COL4A4: variants seen among roughly 807,000 people sequenced by gnomAD.
The protein encoded by COL4A4 is collagen type IV alpha 4 chain, also known as collagen alpha-4(IV) chain.
COL4A4 carries 105 observed loss-of-function variants against 192.9 expected under a neutral mutation model. That is an observed-to-expected ratio of 0.54 (90% confidence interval 0.46 to 0.64). COL4A4 has a LOEUF of 0.64. Ranked by LOEUF, COL4A4 falls within the 30% of genes least tolerant of loss-of-function variation. COL4A4 has a pLI of 0.00. For missense variants in COL4A4, 1,967 were observed against 2,169.3 expected (o/e 0.91, Z 1.85); for synonymous variants, 762 against 769.9 (o/e 0.99, Z 0.17).
chr2:227,099,502 C>T (rs1576492416), intron 18 of COL4A4, 118 bp downstream of exon 18: 24 of 851,554 alleles, frequency 2.8e-5, no homozygotes, highest in South Asian at 2.1e-4. Flanking sequence ...TGCTACAGTT[C>T]GTGCATTCAG....
chr2:227,085,171 C>G (rs1006914399), intron 22 of COL4A4, among the ~76,000 whole-genome samples: 2 of 151,876 alleles, frequency 1.3e-5, no homozygotes, highest in Non-Finnish European at 1.5e-5. Flanking sequence ...AAAAACACTT[C>G]CTCTCTGCCA....
At chr2:227,101,367 T>C (rs1478682223) in intron 17 of COL4A4, 137 bp downstream of exon 17, 5 of 738,430 alleles carry the variant, frequency 6.8e-6, no homozygotes, top group Non-Finnish European at 1.1e-5. Flanking sequence ...AATGTAACAA[T>C]TGAATAAAAA....
chr2:226,986,432 T>G, the COL4A4 span, among the ~76,000 whole-genome samples: 1 of 152,172 alleles, frequency 6.6e-6, no homozygotes, highest in African/African-American at 2.4e-5. Context: ...TCTTTGCAAC[T>G]TTTACGTAAA....
intron 3 of COL4A4, among the ~76,000 whole-genome samples, chr2:227,143,031 G>A (rs1324389406): frequency 6.7e-6 from 1 of 149,624 alleles, no homozygotes; most frequent in African/African-American, 2.6e-5. Context: ...CACACACAGA[G>A]GCAGATGAGC....
chr2:227,089,624 A>AC, intron 21 of COL4A4, among the ~76,000 whole-genome samples: 1 of 92,386 alleles, frequency 1.1e-5, no homozygotes, highest in African/African-American at 3.4e-5. Context: ...CATATATATA[A>AC]ATATATAAGA....
intron 2 of COL4A4, among the ~76,000 whole-genome samples, chr2:227,146,903 A>G (rs755140231): frequency 5.3e-5 from 8 of 152,168 alleles, no homozygotes; most frequent in South Asian, 4.1e-4. Flanking sequence ...CCATCCAGAT[A>G]GTCAAGCTCA....
chr2:227,164,306 G>A, upstream of COL4A4: 1 of 224,358 alleles, frequency 4.5e-6, no homozygotes. The surrounding 1 kb of genome is among the most constrained non-coding windows in gnomAD (Gnocchi z 4.8). Flanking sequence ...CCTCCCCACC[G>A]CACACCCCCA....
In COL4A4 at chr2:227,100,517, T is replaced by C. The variant is rs554343037; in HGVS notation, c.1030-828A>G. Among the ~76,000 whole-genome samples, 12 of 152,294 alleles carry C rather than the reference T, an allele frequency of 7.9e-5. No homozygotes were observed. The South Asian group carries it at 2.5e-3, about 32-fold the overall frequency. Reference sequence around the variant, plus strand: ...CTGTTTACATAGCATTTACATTGTATTAGAGATTATAAGTAACCTAGAGAT... The same window carrying C: ...CTGTTTACATAGCATTTACATTGTACTAGAGATTATAAGTAACCTAGAGAT... On this transcript the variant is annotated intron_variant, in intron 17 of 47. Coordinates refer to ENST00000396625, the MANE Select transcript of COL4A4 (RefSeq NM_000092.5).
intron 19 of COL4A4, among the ~76,000 whole-genome samples, chr2:227,094,803 T>A (rs1332239396): frequency 6.6e-6 from 1 of 152,164 alleles, no homozygotes; most frequent in African/African-American, 2.4e-5. Flanking sequence ...TATCAGAACA[T>A]CAAGCTGTGT....
chr2:227,055,293 C>CT (rs1027081763), intron 30 of COL4A4, among the ~76,000 whole-genome samples: 3 of 151,158 alleles, frequency 2.0e-5, no homozygotes, highest in African/African-American at 7.3e-5. Context: ...GCAGGAGGAT[C>CT]TTTGAGGCCA....
chr2:227,014,678 T>G (rs1340264281), intron 44 of COL4A4, among the ~76,000 whole-genome samples: 1 of 152,174 alleles, frequency 6.6e-6, no homozygotes, highest in Non-Finnish European at 1.5e-5. Flanking sequence ...ATATGTCATC[T>G]ACTTCCAGAA....
At chr2:227,156,939 C>A (rs964324043) in intron 1 of COL4A4, among the ~76,000 whole-genome samples, 2 of 151,962 alleles carry the variant, frequency 1.3e-5, no homozygotes, top group Non-Finnish European at 1.5e-5. Context: ...AGTATAATAC[C>A]AGTTAAGACA....
chr2:226,982,621 C>A, the COL4A4 span, among the ~76,000 whole-genome samples: 61 of 152,316 alleles, frequency 4.0e-4, no homozygotes, highest in African/African-American at 1.4e-3. Context: ...AACAAATAGA[C>A]TGAATTGTGT....
rs899075858 is a variant in COL4A4, at chr2:227,005,936, T to G, written c.*1389A>C. The G allele has an allele frequency of 2.0e-5, 3 of 152,206 alleles. No individual in the cohort carries two copies. The highest frequency in any genetic ancestry group is 7.2e-5 in the African/African-American group (3 of 41,448). 9.4% of individuals were successfully genotyped at this position (152,206 alleles called of 1,614,324 possible). A position where few individuals can be genotyped will look rare whatever the true frequency, so the allele number is the denominator to read the frequency against. On this transcript the variant is annotated 3_prime_UTR_variant, in exon 48 of 48. Transcript: ENST00000396625. ...CAAAACAGAAAAAGGGATCTTTTGC[T>G]TTACAGAAAAAAATAATCATTATAA...
At chr2:227,131,097 A>T (rs2062427531) in intron 4 of COL4A4, among the ~76,000 whole-genome samples, 1 of 152,010 alleles carries the variant, frequency 6.6e-6, no homozygotes, top group African/African-American at 2.4e-5. Flanking sequence ...TTCCCTTCTT[A>T]AAATCTTTCA....
chr2:227,108,046 GTGCTCAGCCCTTAAATCACT>G (rs1242623164), intron 12 of COL4A4, among the ~76,000 whole-genome samples: 1 of 152,210 alleles, frequency 6.6e-6, no homozygotes, highest in Non-Finnish European at 1.5e-5. Flanking sequence ...ATCAGCCATC[GTGCTCAGCCCTTAAATCACT>G]TTTCTAAAGC....
intron 42 of COL4A4, among the ~76,000 whole-genome samples, chr2:227,027,222 A>C (rs959691931): frequency 1.3e-5 from 2 of 150,360 alleles, no homozygotes; most frequent in South Asian, 4.2e-4. Flanking sequence ...ACTGCACTCC[A>C]GCCTGGATGA....
chr2:227,017,621 CTG>C (rs1297935996), intron 44 of COL4A4, among the ~76,000 whole-genome samples: 1 of 152,184 alleles, frequency 6.6e-6, no homozygotes, highest in African/African-American at 2.4e-5. Context: ...TCAAAGAGAT[CTG>C]TGTGTAGAAG....
intron 20 of COL4A4, among the ~76,000 whole-genome samples, chr2:227,091,795 C>T (rs940565717): frequency 2.7e-4 from 41 of 151,982 alleles, no homozygotes; most frequent in African/African-American, 9.9e-4. Context: ...ACTCAGGAGG[C>T]TAAGGTAGAA....
Sources: gnomAD v4.1 joint callset for allele counts (sites outside exome capture counted in the v4.1 genomes callset) on GRCh38, gnomAD v4.1.1 for gene constraint, Gnocchi (gnomAD v3.1) non-coding constraint, MANE v1.5 for transcripts, NCBI Gene and HGNC (gene_info 2026-07-23, HGNC 2026-07-21) for gene names.